The following FGGY variants were observed in gnomAD, a reference collection of about 807,000 sequenced individuals.
FGGY encodes FGGY carbohydrate kinase domain containing.
Under a neutral mutation model 71.3 loss-of-function variants are expected in FGGY, and 72 were observed. The ratio of observed to expected loss-of-function variants is 1.01; its 90% CI spans 0.84 to 1.23. The LOEUF is 1.23. Among genes scored for constraint, FGGY ranks in the 50% most tolerant of loss-of-function variants. FGGY has a pLI of 0.00. For missense variants in FGGY, 668 were observed against 682.3 expected, an observed-to-expected ratio of 0.98 and a Z score of 0.23; for synonymous variants, 251 against 250.3, an observed-to-expected ratio of 1.00 and a Z score of -0.02.
intron 8 of FGGY, among the ~76,000 whole-genome samples, chr1:59,578,038 C>T (rs940870448): frequency 5.3e-5 from 8 of 152,098 alleles, no homozygotes; most frequent in Admixed American, 2.6e-4. Context: ...TTGTGCTAAA[C>T]GTCACCCTGA....
At chr1:59,471,991 G>T (rs995107983) in intron 6 of FGGY, among the ~76,000 whole-genome samples, 3 of 152,240 alleles carry the variant, frequency 2.0e-5, no homozygotes, top group African/African-American at 7.2e-5. Flanking sequence ...GCCCTCGCTC[G>T]CTCTCCGCGC....
intron 14 of FGGY, among the ~76,000 whole-genome samples, chr1:59,726,689 A>G (rs1248406281): frequency 6.6e-6 from 1 of 152,236 alleles, no homozygotes; most frequent in Admixed American, 6.5e-5. Flanking sequence ...CATTTCATCT[A>G]AATTATTTTT....
At chr1:59,301,655 A>G (rs2042749252) in intron 1 of FGGY, among the ~76,000 whole-genome samples, 2 of 151,492 alleles carry the variant, frequency 1.3e-5, no homozygotes, top group South Asian at 4.2e-4. Context: ...TTTTTAAAGG[A>G]ATAATGGAAG....
At chr1:59,399,918 A>G (rs2061743020) in intron 5 of FGGY, among the ~76,000 whole-genome samples, 1 of 152,196 alleles carries the variant, frequency 6.6e-6, no homozygotes, top group Non-Finnish European at 1.5e-5. Context: ...GAACATCACA[A>G]ATGTTCAAAA....
At chr1:59,502,833 T>A (rs549311535) in intron 6 of FGGY, among the ~76,000 whole-genome samples, 7 of 152,170 alleles carry the variant, frequency 4.6e-5, no homozygotes, top group Non-Finnish European at 7.4e-5. Context: ...TATGGGCCAT[T>A]CAAAATCCCG....
At chr1:59,407,964 C>T (rs768040339) in intron 5 of FGGY, among the ~76,000 whole-genome samples, 1 of 152,222 alleles carries the variant, frequency 6.6e-6, no homozygotes, top group Non-Finnish European at 1.5e-5. Context: ...GTGGAAATCA[C>T]AGGAAAGGTA....
At chr1:59,452,231 G>T (rs1427752080) in intron 5 of FGGY, among the ~76,000 whole-genome samples, 1 of 151,976 alleles carries the variant, frequency 6.6e-6, no homozygotes, top group African/African-American at 2.4e-5. Context: ...TTTGCTACTT[G>T]TAGTAGCAAA....
intron 3 of FGGY, among the ~76,000 whole-genome samples, chr1:59,341,010 G>A (rs2050564919): frequency 1.3e-5 from 2 of 152,156 alleles, no homozygotes; most frequent in African/African-American, 4.8e-5. Flanking sequence ...GCTAGATTCT[G>A]TTAGAGAACC....
intron 14 of FGGY, among the ~76,000 whole-genome samples, chr1:59,736,941 GT>G (rs939780210): frequency 6.6e-6 from 1 of 152,194 alleles, no homozygotes; most frequent in Non-Finnish European, 1.5e-5. Context: ...GGAAAAAGTG[GT>G]TTTGTAGGCA....
At chr1:59,693,443 G>A (rs1336387339) in intron 14 of FGGY, among the ~76,000 whole-genome samples, 1 of 152,250 alleles carries the variant, frequency 6.6e-6, no homozygotes, top group East Asian at 1.9e-4. Flanking sequence ...TCGTTGTGAT[G>A]ATTAAGTAAG....
intron 14 of FGGY, among the ~76,000 whole-genome samples, chr1:59,719,178 C>A (rs2097866394): frequency 6.6e-6 from 1 of 152,166 alleles, no homozygotes; most frequent in East Asian, 1.9e-4. Flanking sequence ...GCCAATCCAA[C>A]AAGATGAGGC....
intron 5 of FGGY, among the ~76,000 whole-genome samples, chr1:59,416,904 A>C (rs577952717): frequency 6.6e-6 from 1 of 152,342 alleles, no homozygotes; most frequent in Non-Finnish European, 1.5e-5. Flanking sequence ...TGGTTGGCTT[A>C]AACCTGCACA....
intron 14 of FGGY, among the ~76,000 whole-genome samples, chr1:59,674,992 G>A (rs1261050377): frequency 3.3e-5 from 5 of 152,114 alleles, no homozygotes; most frequent in Non-Finnish European, 7.4e-5. Flanking sequence ...AATTGACAGC[G>A]CATCGTGAGT....
intron 14 of FGGY, among the ~76,000 whole-genome samples, chr1:59,751,312 A>T (rs1392458733): frequency 1.3e-5 from 2 of 152,228 alleles, no homozygotes; most frequent in African/African-American, 4.8e-5. Flanking sequence ...AAACCAGTAA[A>T]ATGGCAATGG....
At chr1:59,409,287 C>T (rs1190848222) in intron 5 of FGGY, among the ~76,000 whole-genome samples, 1 of 152,136 alleles carries the variant, frequency 6.6e-6, no homozygotes, top group Non-Finnish European at 1.5e-5. Flanking sequence ...AGCATAAGGA[C>T]ACTTTCATTT....
intron 4 of FGGY, among the ~76,000 whole-genome samples, chr1:59,351,915 A>G (rs2053389467): frequency 6.6e-6 from 1 of 152,148 alleles, no homozygotes; most frequent in Non-Finnish European, 1.5e-5. Flanking sequence ...ATCTGTCTTG[A>G]GATGTTCTAG....
At chr1:59,422,451 T>C (rs1056010442) in intron 5 of FGGY, among the ~76,000 whole-genome samples, 2 of 152,146 alleles carry the variant, frequency 1.3e-5, no homozygotes, top group Non-Finnish European at 2.9e-5. Context: ...CCCAGCAACT[T>C]TGGGAGGCTG....
intron 7 of FGGY, among the ~76,000 whole-genome samples, chr1:59,521,036 T>TGGG (rs5774474): frequency 4.5e-4 from 59 of 130,762 alleles, no homozygotes; most frequent in South Asian, 7.6e-4. Flanking sequence ...AAATTGGGGG[T>TGGG]GGGGGGGGAT....
chr1:59,729,886 T>G (rs1049239195), intron 14 of FGGY, among the ~76,000 whole-genome samples: 2 of 152,272 alleles, frequency 1.3e-5, no homozygotes, highest in East Asian at 1.9e-4. Flanking sequence ...TAGGCTTTTG[T>G]AAAGTCTCTT....
Sources: allele counts gnomAD v4.1 joint callset (sites outside exome capture counted in the v4.1 genomes callset), GRCh38; gene constraint gnomAD v4.1.1; transcripts MANE v1.5; gene names NCBI Gene and HGNC (gene_info 2026-07-23, HGNC 2026-07-21).